WDR53: variants seen among roughly 807,000 people sequenced by gnomAD.
WDR53 encodes the protein WD repeat domain 53, also known as WD repeat-containing protein 53.
A neutral mutation model predicts 21.3 loss-of-function variants in WDR53; 19 were observed. The observed-to-expected ratio is 0.89, with a 90% CI of 0.62 to 1.31. WDR53 has a LOEUF of 1.31. WDR53 is among the 50% of genes most tolerant of loss of function. The pLI is 0.00. For missense variants in WDR53, 374 were observed against 423.2 expected (o/e 0.88, Z 1.02); for synonymous variants, 157 against 163.4 (o/e 0.96, Z 0.30).
chr3:196,558,909 C>G (rs1734574146), intron 3 of WDR53, among the ~76,000 whole-genome samples: 1 of 152,174 alleles, frequency 6.6e-6, no homozygotes, highest in Non-Finnish European at 1.5e-5. Context: ...TTTTACCAGG[C>G]AAATCAAAAT....
chr3:196,556,679 A>T (rs1034194221), intron 3 of WDR53, among the ~76,000 whole-genome samples: 1 of 150,346 alleles, frequency 6.7e-6, no homozygotes, highest in Admixed American at 6.6e-5. Flanking sequence ...AAGAAAATAC[A>T]CACACACACA....
Position 196,561,291 on chromosome 3 carries a change from G to A in WDR53, c.185C>T (p.Ser62Phe), listed in dbSNP as rs1182981148. ...TGAGGCATAGAGCTTGGTGGGACAG[G>A]AGGGAGAAAATAAGACACTGGTAAC... ...DDVTSVLFSPSCPTKLYASHG... is the reference protein window; with the variant it reads ...DDVTSVLFSPFCPTKLYASHG... Residue 62 changes from serine (S) to phenylalanine (F), a missense_variant, in exon 3 of 4, where the codon TCC (serine) becomes TTC (phenylalanine). Physicochemically the swap from Ser to Phe is radical, Grantham distance 155. Transcript: ENST00000332629. 3 of 1,614,092 alleles carry A rather than the reference G, an allele frequency of 1.9e-6. No homozygotes were observed. The African/African-American group carries it at 4.0e-5, about 22-fold the overall frequency.
At chr3:196,559,349 C>T (rs1168231689) in intron 3 of WDR53, among the ~76,000 whole-genome samples, 2 of 152,168 alleles carry the variant, frequency 1.3e-5, no homozygotes, top group East Asian at 3.8e-4. Context: ...ATGCCCCATA[C>T]ATGTAGAGTG....
intron 3 of WDR53, among the ~76,000 whole-genome samples, chr3:196,560,650 A>C (rs1734747169): frequency 6.6e-6 from 1 of 152,034 alleles, no homozygotes; most frequent in Non-Finnish European, 1.5e-5. Context: ...GACCCCTCTA[A>C]CTTTTTGTTT....
intron 2 of WDR53, among the ~76,000 whole-genome samples, chr3:196,562,958 G>C (rs1735020415): frequency 6.6e-6 from 1 of 152,036 alleles, no homozygotes; most frequent in Non-Finnish European, 1.5e-5. Flanking sequence ...TCAGTCTCCT[G>C]AGTAGCTCAG....
chr3:196,565,517 G>A (rs889658472), intron 2 of WDR53, among the ~76,000 whole-genome samples: 1 of 148,732 alleles, frequency 6.7e-6, no homozygotes, highest in African/African-American at 2.5e-5. Context: ...GTGGTGAACT[G>A]AGATTGTGCC....
At chr3:196,557,965 T>C (rs1462920139) in intron 3 of WDR53, among the ~76,000 whole-genome samples, 4 of 151,790 alleles carry the variant, frequency 2.6e-5, no homozygotes, top group Non-Finnish European at 5.9e-5. Flanking sequence ...TTTGTAGAGA[T>C]GGGGTTTCGC....
chr3:196,568,208 C>G (rs776220110), intron 1 of WDR53, among the ~76,000 whole-genome samples: 3 of 152,170 alleles, frequency 2.0e-5, no homozygotes, highest in Non-Finnish European at 4.4e-5. Context: ...CGAAGGCACA[C>G]AGGGACAGAC....
chr3:196,567,786 T>TGTGTGTGTGTGA (rs772923236), intron 1 of WDR53, among the ~76,000 whole-genome samples: 1 of 149,536 alleles, frequency 6.7e-6, no homozygotes, highest in African/African-American at 2.5e-5. Flanking sequence ...TGTGTGTGTG[T>TGTGTGTGTGTGA]GAGGTAGGGG....
rs1203929791 is a variant in WDR53, at chr3:196,561,281, G to T, written c.195C>A (p.Thr65=). ...TTTCTCCATGTGAGGCATAGAGCTT[G>T]GTGGGACAGGAGGGAGAAAATAAGA... ...TSVLFSPSCP[T]KLYASHGETI... The change falls in exon 3 of 4, where the codon ACC becomes ACA. Residue 65 remains threonine (T), a synonymous_variant. Coordinates refer to ENST00000332629, the MANE Select transcript of WDR53 (RefSeq NM_182627.3). The T allele has an allele frequency of 6.2e-7, 1 of 1,614,212 alleles. No homozygotes were observed.
At chr3:196,559,318 G>C (rs73891286) in intron 3 of WDR53, among the ~76,000 whole-genome samples, 6,611 of 152,292 alleles carry the variant, frequency 0.043, 460 homozygotes, top group African/African-American at 0.15. Flanking sequence ...GGAAAAGGAA[G>C]ATAGAGGTTG....
chr3:196,565,846 C>T (rs923123296), intron 2 of WDR53, among the ~76,000 whole-genome samples: 1 of 152,120 alleles, frequency 6.6e-6, no homozygotes, highest in African/African-American at 2.4e-5. Flanking sequence ...AATGAGTTGG[C>T]AAGCCACTGT....
At chr3:196,567,508 A>C (rs1311993032) in intron 1 of WDR53, among the ~76,000 whole-genome samples, 1 of 152,190 alleles carries the variant, frequency 6.6e-6, no homozygotes, top group African/African-American at 2.4e-5. Context: ...TAAAGGTTCC[A>C]AGACATTGGA....
intron 2 of WDR53, among the ~76,000 whole-genome samples, chr3:196,561,823 G>A (rs1047372074): frequency 1.3e-5 from 2 of 151,912 alleles, no homozygotes; most frequent in South Asian, 2.1e-4. Flanking sequence ...TTAAAGAGAG[G>A]GCTGCAAAAT....
At chr3:196,565,318 C>T (rs1439622689) in intron 2 of WDR53, among the ~76,000 whole-genome samples, 1 of 150,374 alleles carries the variant, frequency 6.7e-6, no homozygotes, top group Non-Finnish European at 1.5e-5. Flanking sequence ...CTCACGCCTG[C>T]AATCCTAGCA....
At position 196,567,203 on chromosome 3, in the gene WDR53, C is replaced by G; in HGVS notation, c.-343G>C. ...GAGAGACAGTCACCATCACCAGAGT[C>G]AGCACAGGTCAACTTTTCTCTACAG... On this transcript the variant is annotated 5_prime_UTR_variant, in exon 2 of 4. Transcript: ENST00000332629. 1 of 457,264 alleles carries G rather than the reference C, an allele frequency of 2.2e-6. No individual in the cohort carries two copies. Among genetic ancestry groups the G allele is most frequent in the Non-Finnish European group, 4.4e-6 (1 of 227,066 alleles). 28.3% of individuals were successfully genotyped at this position (457,264 alleles called of 1,614,324 possible).
At position 196,554,860 on chromosome 3, in the gene WDR53, A is replaced by G. The variant is rs543952599; in HGVS notation, c.481-53T>C. 22 of 1,440,174 alleles carry G rather than the reference A, an allele frequency of 1.5e-5. No homozygotes were observed. The East Asian group carries it at 5.0e-4, about 33-fold the overall frequency. The allele number at this position is 1,440,174 out of a possible 1,614,324, so 89.2% of individuals were successfully genotyped here. On this transcript the variant is annotated intron_variant, in intron 3 of 3. Coordinates refer to ENST00000332629, the MANE Select transcript of WDR53 (RefSeq NM_182627.3). ...ATACAAAATGCTAGCCAATTTGCTC[A>G]ACTATCATGCTTATTCAGCTTCTAA...
chr3:196,567,815 C>A (rs1577588160), intron 1 of WDR53, among the ~76,000 whole-genome samples: 1 of 150,796 alleles, frequency 6.6e-6, no homozygotes, highest in Non-Finnish European at 1.5e-5. Flanking sequence ...GTCGCCCAGG[C>A]TGGAGCACAG....
chr3:196,566,713 C>T (rs991898429), intron 2 of WDR53, among the ~76,000 whole-genome samples, 164 bp downstream of exon 2: 2 of 152,092 alleles, frequency 1.3e-5, no homozygotes, highest in Non-Finnish European at 1.5e-5. Context: ...GGCACCCGGC[C>T]GAGAGCATTT....
Sources: gnomAD v4.1 joint callset for allele counts (sites outside exome capture counted in the v4.1 genomes callset) on GRCh38, gnomAD v4.1.1 for gene constraint, MANE v1.5 for transcripts, NCBI Gene and HGNC (gene_info 2026-07-23, HGNC 2026-07-21) for gene names.